FZR1: variants seen among roughly 807,000 people sequenced by gnomAD.
The protein encoded by FZR1 is fizzy and cell division cycle 20 related 1.
FZR1 carries 11 observed loss-of-function variants against 63.6 expected under a neutral mutation model. The observed-to-expected ratio is 0.17, with a 90% CI of 0.11 to 0.29. The LOEUF (loss-of-function observed/expected upper bound fraction) is 0.29, where lower values mean the gene tolerates loss of function less well. FZR1 is among the 10% of genes least tolerant of loss of function. The probability of loss-of-function intolerance (pLI) is 1.00; values close to 1 mark genes in which losing one functional copy is unlikely to be tolerated. For missense variants in FZR1, 440 were observed against 687.5 expected (o/e 0.64, Z 4.03); for synonymous variants, 328 against 297.9 (o/e 1.10, Z -1.04).
chr19:3,515,603 CTAAAAA>C lies in FZR1; in HGVS notation c.-34-7350_-34-7345del, dbSNP rs1167736320. Among the ~76,000 whole-genome samples, 1 of 151,898 alleles carries C rather than the reference CTAAAAA, an allele frequency of 6.6e-6. No individual in the cohort carries two copies. Among genetic ancestry groups the C allele is most frequent in the Non-Finnish European group, 1.5e-5 (1 of 67,976 alleles). On this transcript the variant is annotated intron_variant, in intron 1 of 13. Coordinates refer to ENST00000441788, the MANE Select transcript of FZR1 (RefSeq NM_016263.4). This position sits in a 1 kb window ranked among gnomAD's most constrained non-coding sequence, Gnocchi z 4.6. ...CTAATACTGTGAAACCCCGTCTCTA[CTAAAAA>C]TACAAAAAATTAGGCACTACAGTGG...
intron 7 of FZR1, among the ~76,000 whole-genome samples, chr19:3,528,237 T>A (rs902841572): frequency 2.0e-5 from 3 of 152,148 alleles, no homozygotes; most frequent in Non-Finnish European, 4.4e-5. Context: ...TCTGGGCGCA[T>A]GGAGCCTGCT....
At chr19:3,529,154 A>T (rs537404743) in intron 7 of FZR1, among the ~76,000 whole-genome samples, 2,254 of 37,924 alleles carry the variant, frequency 0.059, 93 homozygotes, top group East Asian at 0.15. Context: ...GGGAGAGCGG[A>T]TGGGAGAGCG....
chr19:3,508,641 G>A (rs1157861391), intron 1 of FZR1, among the ~76,000 whole-genome samples: 2 of 152,196 alleles, frequency 1.3e-5, no homozygotes, highest in African/African-American at 4.8e-5. Context: ...GGGAGAGGAT[G>A]GAAAGTCTGT....
At chr19:3,520,160 G>T (rs551877330) in intron 1 of FZR1, among the ~76,000 whole-genome samples, 1 of 152,370 alleles carries the variant, frequency 6.6e-6, no homozygotes, top group Non-Finnish European at 1.5e-5. Flanking sequence ...GGGATGGCCA[G>T]TGCTGGCCCA....
chr19:3,526,816 G>A lies in FZR1; in HGVS notation c.388-164G>A, dbSNP rs1249449371. Among the ~76,000 whole-genome samples the A allele has an allele frequency of 1.3e-5, 2 of 152,160 alleles. No homozygotes were observed. Among genetic ancestry groups the A allele is most frequent in the Admixed American group, 6.5e-5 (1 of 15,280 alleles). The stretch of plus-strand genomic sequence containing the variant: ...AGAGGGCGGGAGGGGTGGGGGGTCC[G>A]CAGTCCCCGCCAGGAAGGCGCCTGC... On this transcript the variant is annotated intron_variant, in intron 5 of 13. Coordinates refer to ENST00000441788, the MANE Select transcript of FZR1 (RefSeq NM_016263.4). This position sits in a 1 kb window ranked among gnomAD's most constrained non-coding sequence, Gnocchi z 5.4.
chr19:3,519,807 C>T (rs1187450516), intron 1 of FZR1, among the ~76,000 whole-genome samples: 3 of 152,208 alleles, frequency 2.0e-5, no homozygotes, highest in South Asian at 4.1e-4. Context: ...GTCTCTGCTC[C>T]GCGGTTTCCT....
intron 8 of FZR1, among the ~76,000 whole-genome samples, chr19:3,531,063 A>G (rs1170258273): frequency 6.6e-6 from 1 of 152,054 alleles, no homozygotes; most frequent in East Asian, 1.9e-4. Context: ...AGGCCCCTAG[A>G]AAGGATGGCA....
At chr19:3,522,125 G>A (rs568820999) in intron 1 of FZR1, among the ~76,000 whole-genome samples, 12 of 152,204 alleles carry the variant, frequency 7.9e-5, no homozygotes, top group Non-Finnish European at 1.3e-4. Context: ...TTTACAGACC[G>A]GCAGCCTGTA....
chr19:3,529,374 A>G (rs866981395), intron 7 of FZR1, among the ~76,000 whole-genome samples: 662 of 45,016 alleles, frequency 0.015, 1 homozygote, highest in Middle Eastern at 0.021. Context: ...ATGGGAGAGC[A>G]GATGGGAGAG....
chr19:3,533,633 C>G lies in FZR1; in HGVS notation c.1347+235C>G. 1 of 519,044 alleles carries G rather than the reference C, an allele frequency of 1.9e-6. No homozygotes were observed. Among genetic ancestry groups the G allele is most frequent in the Admixed American group, 3.5e-5 (1 of 28,604 alleles). The allele number at this position is 519,044 out of a possible 1,614,324, so 32.2% of individuals were successfully genotyped here. On this transcript the variant is annotated intron_variant, in intron 12 of 13. Coordinates refer to ENST00000441788, the MANE Select transcript of FZR1 (RefSeq NM_016263.4). The surrounding 1 kb of genome is among the most constrained non-coding windows in gnomAD (Gnocchi z 4.9). Reference sequence around the variant, plus strand: ...TGCAGGCCCTGTCCTCCTGGAGGACCTTAGCTTCTTCATTTGTTTATTTTC... The same window carrying G: ...TGCAGGCCCTGTCCTCCTGGAGGACGTTAGCTTCTTCATTTGTTTATTTTC...
rs1167032975 is a variant in FZR1 at position 3,514,376 on chromosome 19, T to C, written c.-35+7902T>C. ...TCTCTGCCCTTGCACCCTGTGGACA[T>C]TGGGGCCGGATCGTTCTCTGGGGTG... On this transcript the variant is annotated intron_variant, in intron 1 of 13. Transcript: ENST00000441788. The surrounding 1 kb of genome is among the most constrained non-coding windows in gnomAD (Gnocchi z 4.2). Among the ~76,000 whole-genome samples, 1 of 152,166 alleles carries C rather than the reference T, an allele frequency of 6.6e-6. No individual in the cohort carries two copies. Among genetic ancestry groups the C allele is most frequent in the Admixed American group, 6.5e-5 (1 of 15,282 alleles).
intron 1 of FZR1, among the ~76,000 whole-genome samples, chr19:3,522,216 G>A (rs913494069): frequency 2.6e-5 from 4 of 152,130 alleles, no homozygotes; most frequent in African/African-American, 4.8e-5. Flanking sequence ...TGGCCTGCAC[G>A]GACCTTCACT....
Position 3,531,981 on chromosome 19 carries a change from C to T in FZR1, c.894C>T (p.Ile298=), listed in dbSNP as rs1326265784. Residue 298 remains isoleucine, a synonymous_variant, in exon 10 of 14, where the codon ATC becomes ATT. Coordinates refer to ENST00000441788, the MANE Select transcript of FZR1 (RefSeq NM_016263.4). ...SRDRMILQRD[I]RTPPLQSERR... ...ACCGCATGATCCTGCAGAGGGACAT[C>T]CGCACCCCGCCACTGCAGTCGGAGC... 1.3e-6 allele frequency: 2 copies of T among 1,563,434 alleles called. No homozygotes were observed. The highest frequency in any genetic ancestry group is 8.6e-7 in the Non-Finnish European group (1 of 1,158,486).
chr19:3,522,968 G>A lies in FZR1; in HGVS notation c.-22G>A, dbSNP rs776120989. The A allele has an allele frequency of 5.5e-5, 87 of 1,591,750 alleles. No individual in the cohort carries two copies. Among genetic ancestry groups the A allele is most frequent in the Non-Finnish European group, 6.6e-5 (77 of 1,160,848 alleles). ...CTTCCCGCTGCAGGCTAACCTTGCC[G>A]CGGGCCGAGCCCTGCCTCGCCATGG... On this transcript the variant is annotated 5_prime_UTR_variant, in exon 2 of 14. Transcript: ENST00000441788.
At chr19:3,520,840 C>T (rs193047115) in intron 1 of FZR1, among the ~76,000 whole-genome samples, 2 of 152,246 alleles carry the variant, frequency 1.3e-5, no homozygotes, top group Admixed American at 1.3e-4. Flanking sequence ...GCACCAAACC[C>T]GCATGGGTCT....
chr19:3,532,059 C>G lies in FZR1; in HGVS notation c.972C>G (p.Asp324Glu). The G allele has an allele frequency of 6.6e-7, 1 of 1,525,918 alleles. No individual in the cohort carries two copies. The highest frequency in any genetic ancestry group is 8.8e-7 in the Non-Finnish European group (1 of 1,139,418). 94.5% of individuals were successfully genotyped at this position (1,525,918 alleles called of 1,614,324 possible). A position where few individuals can be genotyped will look rare whatever the true frequency, so the allele number is the denominator to read the frequency against. ...TGTGCGGGCTCAAGTGGTCCACAGA[C>G]CACCAGCTCCTCGCCTCGGGGGGCA... ...QEVCGLKWST[D>E]HQLLASGGND... Residue 324 changes from aspartate (D) to glutamate (E), a missense_variant, in exon 10 of 14, where the codon GAC becomes GAG. Transcript: ENST00000441788.
intron 7 of FZR1, among the ~76,000 whole-genome samples, chr19:3,529,321 GGAGAGTGGAT>G (rs1260152222): frequency 6.9e-6 from 1 of 145,720 alleles, no homozygotes; most frequent in Non-Finnish European, 1.5e-5. Context: ...AGAGCGGATG[GGAGAGTGGAT>G]GAGAGTGGTT....
rs561585098 is a variant in FZR1 at position 3,518,127 on chromosome 19, G to T, written c.-34-4829G>T. On this transcript the variant is annotated intron_variant, in intron 1 of 13. Transcript: ENST00000441788. Reference sequence around the variant, plus strand: ...CCTTCCAGGTTCAAGTGATTCACCTGCCTCAGCCTCCCTAGTAGCTAGGAT... The same window carrying T: ...CCTTCCAGGTTCAAGTGATTCACCTTCCTCAGCCTCCCTAGTAGCTAGGAT... 2.7e-5 allele frequency among the ~76,000 whole-genome samples: 4 copies of T among 150,030 alleles called. No homozygotes were observed. In the East Asian group the frequency reaches 7.9e-4, roughly 30 times the overall value.
At position 3,523,056 on chromosome 19, in the gene FZR1, C is replaced by T. The variant is rs369267353; in HGVS notation, c.67C>T (p.Arg23Cys). 69 of 1,592,036 alleles carry T rather than the reference C, an allele frequency of 4.3e-5. 1 individual carries two copies. The highest frequency in any genetic ancestry group is 2.2e-4 in the East Asian group (10 of 44,776). The change falls in exon 2 of 14, where the codon CGC becomes TGC. Residue 23 changes from arginine (R) to cysteine (C), a missense_variant and splice_region_variant. Around this residue, in one of 5 missense-constraint regions of FZR1, gnomAD observed 200 missense variants for 245.1 expected, o/e 0.82. Coordinates refer to ENST00000441788, the MANE Select transcript of FZR1 (RefSeq NM_016263.4). ...IVIQNENTMP[R>C]VTEMRRTLTP... ...CATCCAGAATGAGAACACGATGCCA[C>T]GCGTGAGTGCCCCCGCCCTGCCCAC... is the stretch of plus-strand genomic sequence containing the variant.
Sources: allele counts gnomAD v4.1 joint callset (sites outside exome capture counted in the v4.1 genomes callset), GRCh38; gene constraint gnomAD v4.1.1; regional missense constraint gnomAD v4.1.1; non-coding constraint Gnocchi (gnomAD v3.1); transcripts MANE v1.5; gene names NCBI Gene and HGNC (gene_info 2026-07-23, HGNC 2026-07-21).